The following C12orf43 variants were observed in gnomAD, a reference collection of about 807,000 sequenced individuals.
C12orf43 encodes protein CUSTOS.
A neutral mutation model predicts 20.6 loss-of-function variants in C12orf43; 15 were observed. The observed-to-expected ratio is 0.73, with a 90% CI of 0.49 to 1.12. The LOEUF is 1.12. Ranked by LOEUF, C12orf43 falls within the 50% of genes most tolerant of loss-of-function variation. The probability of loss-of-function intolerance (pLI) is 0.00; values close to 1 mark genes in which losing one functional copy is unlikely to be tolerated. For synonymous variants in C12orf43, 144 were observed against 130.8 expected (o/e 1.10, Z -0.69); for missense variants, 334 against 344.4 (o/e 0.97, Z 0.24).
At position 121,005,937 on chromosome 12, in the gene C12orf43, C is replaced by A. The variant is rs1877977362; in HGVS notation, c.361+384G>T. ...CTCTAAAAAAAAATACAAAAATTAG[C>A]CAGGTGTGGTGGTGCACGCCTGTAG... is the stretch of plus-strand genomic sequence containing the variant. On this transcript the variant is annotated intron_variant, in intron 4 of 5. Transcript: ENST00000288757. This position sits in a 1 kb window ranked among gnomAD's most constrained non-coding sequence, Gnocchi z 5.6. The A allele has an allele frequency of 5.9e-6, 1 of 168,280 alleles. No homozygotes were observed. Among genetic ancestry groups the A allele is most frequent in the Non-Finnish European group, 1.3e-5 (1 of 78,846 alleles). The allele number at this position is 168,280 out of a possible 1,614,324, so 10.4% of individuals were successfully genotyped here.
At position 121,002,523 on chromosome 12, in the gene C12orf43, G is replaced by GCTTGCTTGCTGATTTGA. The variant is rs1234137690; in HGVS notation, c.*1629_*1630insTCAAATCAGCAAGCAAG. ...GAAATGCGGTGGAAACTTCTTGCTT[G>GCTTGCTTGCTGATTTGA]TCCACAAATCATTCAGATGGGGTTT... On this transcript the variant is annotated 3_prime_UTR_variant, in exon 6 of 6. Coordinates refer to ENST00000288757, the MANE Select transcript of C12orf43 (RefSeq NM_022895.3). 1 of 503,618 alleles carries GCTTGCTTGCTGATTTGA rather than the reference G, an allele frequency of 2.0e-6. No individual in the cohort carries two copies. The highest frequency in any genetic ancestry group is 4.5e-5 in the East Asian group (1 of 22,280). The allele number at this position is 503,618 out of a possible 1,614,324, so 31.2% of individuals were successfully genotyped here. A position where few individuals can be genotyped will look rare whatever the true frequency, so the allele number is the denominator to read the frequency against.
Position 121,000,864 on chromosome 12 carries a change from A to C in C12orf43, c.*3289T>G. On this transcript the variant is annotated 3_prime_UTR_variant, in exon 6 of 6. Coordinates refer to ENST00000288757, the MANE Select transcript of C12orf43 (RefSeq NM_022895.3). Reference sequence around the variant, plus strand: ...GTTCACACTAAGATGTACTCAGGCCACTCCATGGGCGGCCGTGGACCCTGG... The same window carrying C: ...GTTCACACTAAGATGTACTCAGGCCCCTCCATGGGCGGCCGTGGACCCTGG... 1.5e-6 allele frequency: 1 copy of C among 659,214 alleles called. No individual in the cohort carries two copies. Among genetic ancestry groups the C allele is most frequent in the Non-Finnish European group, 2.7e-6 (1 of 373,730 alleles). The allele number at this position is 659,214 out of a possible 1,614,324, so 40.8% of individuals were successfully genotyped here.
intron 3 of C12orf43, 94 bp downstream of exon 3, chr12:121,010,734 G>A (rs1000918249): frequency 2.9e-5 from 27 of 941,252 alleles, no homozygotes; most frequent in Admixed American, 5.8e-5. Context: ...GCCTGCCACC[G>A]TGCCAGCCTG....
Position 121,005,550 on chromosome 12 carries a change from T to C in C12orf43, c.362-457A>G, listed in dbSNP as rs989188912. ...GCAGCCACATCAGCTCAGCAAGCCC[T>C]CAGAGGCTTCTGGAAGTCAGCACTT... On this transcript the variant is annotated intron_variant, in intron 4 of 5. Transcript: ENST00000288757. The surrounding 1 kb of genome is among the most constrained non-coding windows in gnomAD (Gnocchi z 5.6). Among the ~76,000 whole-genome samples, 1 of 152,226 alleles carries C rather than the reference T, an allele frequency of 6.6e-6. No homozygotes were observed. Among genetic ancestry groups the C allele is most frequent in the Non-Finnish European group, 1.5e-5 (1 of 68,030 alleles).
At position 121,009,338 on chromosome 12, in the gene C12orf43, C is replaced by T. The variant is rs536720974; in HGVS notation, c.287+1490G>A. ...AGCGTGGTGGGTGCGCACCTGTAAC[C>T]CCAGCTACTCAGGAGGCTGAGGCAT... is the stretch of plus-strand genomic sequence containing the variant. On this transcript the variant is annotated intron_variant, in intron 3 of 5. Transcript: ENST00000288757. Among the ~76,000 whole-genome samples, 37 of 152,170 alleles carry T rather than the reference C, an allele frequency of 2.4e-4. No homozygotes were observed. In the South Asian group the frequency reaches 7.7e-3, roughly 32 times the overall value.
rs1251243051 is a variant in C12orf43 at position 121,001,223 on chromosome 12, G to A, written c.*2930C>T. 1 of 1,612,266 alleles carries A rather than the reference G, an allele frequency of 6.2e-7. No individual in the cohort carries two copies. The highest frequency in any genetic ancestry group is 8.5e-7 in the Non-Finnish European group (1 of 1,179,444). On this transcript the variant is annotated 3_prime_UTR_variant, in exon 6 of 6. Coordinates refer to ENST00000288757, the MANE Select transcript of C12orf43 (RefSeq NM_022895.3). ...GCACCTGGGCCCTGGGGCCTGTACT[G>A]CCTGCTTGGGGGGTGATGAGGGCAG...
intron 1 of C12orf43, chr12:121,012,745 G>A: frequency 3.5e-6 from 1 of 284,998 alleles, no homozygotes; most frequent in Non-Finnish European, 6.8e-6. Context: ...CCAGCTACTT[G>A]AGAAGCTGAG....
intron 1 of C12orf43, 119 bp downstream of exon 1, chr12:121,016,211 G>T: frequency 6.8e-7 from 1 of 1,467,838 alleles, no homozygotes; most frequent in Non-Finnish European, 9.4e-7. Context: ...CCCAGTCCCT[G>T]GAGGTCTCTC....
Position 121,002,445 on chromosome 12 carries a change from G to T in C12orf43, c.*1708C>A. The T allele has an allele frequency of 1.9e-6, 1 of 530,892 alleles. No homozygotes were observed. The highest frequency in any genetic ancestry group is 1.5e-5 in the South Asian group (1 of 65,178). The allele number at this position is 530,892 out of a possible 1,614,324, so 32.9% of individuals were successfully genotyped here. A position where few individuals can be genotyped will look rare whatever the true frequency, so the allele number is the denominator to read the frequency against. ...GGTGACCCGGCACCCCCTGCAGCTT[G>T]TAGCCAGCCGGGGCGAGTGGCACGT... is the stretch of plus-strand genomic sequence containing the variant. On this transcript the variant is annotated 3_prime_UTR_variant, in exon 6 of 6. Coordinates refer to ENST00000288757, the MANE Select transcript of C12orf43 (RefSeq NM_022895.3).
chr12:121,012,849 T>TAAAAAAAAAA (rs10636003), intron 1 of C12orf43, among the ~76,000 whole-genome samples: 9 of 91,990 alleles, frequency 9.8e-5, no homozygotes, highest in East Asian at 2.5e-4. Flanking sequence ...AGACTCCGTC[T>TAAAAAAAAAA]AAAAAAAAAA....
At chr12:121,012,639 T>C in intron 1 of C12orf43, 1 of 546,624 alleles carries the variant, frequency 1.8e-6, no homozygotes, top group Non-Finnish European at 3.4e-6. Context: ...GATCACGAGG[T>C]CAAGAGATCG....
chr12:121,012,557 T>A lies in C12orf43; in HGVS notation c.146-1411A>T, dbSNP rs1299473332. On this transcript the variant is annotated intron_variant, in intron 1 of 5. Coordinates refer to ENST00000288757, the MANE Select transcript of C12orf43 (RefSeq NM_022895.3). Reference sequence around the variant, plus strand: ...GGTGAACTCCAGATAGATGCACTTTTAAGATGGAGTCAAGGCCGGGCGCGG... The same window carrying A: ...GGTGAACTCCAGATAGATGCACTTTAAAGATGGAGTCAAGGCCGGGCGCGG... 3 of 695,180 alleles carry A rather than the reference T, an allele frequency of 4.3e-6. No homozygotes were observed. In the African/African-American group the frequency reaches 5.3e-5, roughly 12 times the overall value. 43.1% of individuals were successfully genotyped at this position (695,180 alleles called of 1,614,324 possible).
In C12orf43 at chr12:121,004,605, G is replaced by A. The variant is rs1302888311; in HGVS notation, c.453-116C>T. ...AGAAGGTGGCCGCAGAGAGAGGCAG[G>A]TAGTGAGTTCAGGCTTGGGAGTGAG... On this transcript the variant is annotated intron_variant, in intron 5 of 5. Coordinates refer to ENST00000288757, the MANE Select transcript of C12orf43 (RefSeq NM_022895.3). The surrounding 1 kb of genome is among the most constrained non-coding windows in gnomAD (Gnocchi z 5.6). The A allele has an allele frequency of 1.8e-6, 2 of 1,130,142 alleles. No individual in the cohort carries two copies. Among genetic ancestry groups the A allele is most frequent in the African/African-American group, 1.6e-5 (1 of 64,318 alleles). The allele number at this position is 1,130,142 out of a possible 1,614,324, so 70.0% of individuals were successfully genotyped here. A position where few individuals can be genotyped will look rare whatever the true frequency, so the allele number is the denominator to read the frequency against.
intron 3 of C12orf43, among the ~76,000 whole-genome samples, chr12:121,007,842 G>A (rs753901020): frequency 2.6e-4 from 40 of 152,254 alleles, no homozygotes; most frequent in African/African-American, 8.4e-4. Flanking sequence ...AAAGCAACCC[G>A]GGGAGAGGGA....
At chr12:121,009,874 C>G (rs1878312387) in intron 3 of C12orf43, among the ~76,000 whole-genome samples, 1 of 152,214 alleles carries the variant, frequency 6.6e-6, no homozygotes, top group Admixed American at 6.5e-5. Flanking sequence ...AAGATAGAGA[C>G]CTGGCACAGT....
At chr12:121,014,118 A>G (rs373599094) in intron 1 of C12orf43, among the ~76,000 whole-genome samples, 2 of 152,082 alleles carry the variant, frequency 1.3e-5, no homozygotes, top group South Asian at 2.1e-4. Context: ...ACCTGAGGTC[A>G]TAAGTTCGAG....
At position 121,004,996 on chromosome 12, in the gene C12orf43, T is replaced by C. The variant is rs899252465; in HGVS notation, c.452+7A>G. 6.6e-6 allele frequency: 10 copies of C among 1,525,266 alleles called. No homozygotes were observed. The highest frequency in any genetic ancestry group is 7.0e-6 in the Non-Finnish European group (8 of 1,137,242). The allele number at this position is 1,525,266 out of a possible 1,614,324, so 94.5% of individuals were successfully genotyped here. On this transcript the variant is annotated splice_region_variant and intron_variant, in intron 5 of 5. Coordinates refer to ENST00000288757, the MANE Select transcript of C12orf43 (RefSeq NM_022895.3). This position sits in a 1 kb window ranked among gnomAD's most constrained non-coding sequence, Gnocchi z 5.6. Reference sequence around the variant, plus strand: ...GAGGGGACGTGAGGAGAGGTGTGAGTTCTCACCTGGAGCTGGAGGGCTGTC... The same window carrying C: ...GAGGGGACGTGAGGAGAGGTGTGAGCTCTCACCTGGAGCTGGAGGGCTGTC...
rs1301331120 is a variant in C12orf43, at chr12:121,001,363, G to A, written c.*2790C>T. 30 of 820,372 alleles carry A rather than the reference G, an allele frequency of 3.7e-5. 1 individual carries two copies. The highest frequency in any genetic ancestry group is 2.4e-4 in the East Asian group (9 of 37,184). 50.8% of individuals were successfully genotyped at this position (820,372 alleles called of 1,614,324 possible). ...CATCAGAAAGGGAGGGCTCTGAGGC[G>A]CCCCAACCCGTGGAGGCTGCTCGGG... On this transcript the variant is annotated 3_prime_UTR_variant, in exon 6 of 6. Transcript: ENST00000288757.
Position 121,002,295 on chromosome 12 carries a change from A to G in C12orf43, c.*1858T>C, listed in dbSNP as rs1223284405. ...CCCTGAGGAGTCTGAGGTCCTGAGC[A>G]CTGCCAGGAGGGACAAAGGAGCCTG... On this transcript the variant is annotated 3_prime_UTR_variant, in exon 6 of 6. Coordinates refer to ENST00000288757, the MANE Select transcript of C12orf43 (RefSeq NM_022895.3). 2 of 443,306 alleles carry G rather than the reference A, an allele frequency of 4.5e-6. No individual in the cohort carries two copies. The highest frequency in any genetic ancestry group is 3.9e-5 in the African/African-American group (2 of 50,644). The allele number at this position is 443,306 out of a possible 1,614,324, so 27.5% of individuals were successfully genotyped here. A position where few individuals can be genotyped will look rare whatever the true frequency, so the allele number is the denominator to read the frequency against.
Sources: allele counts gnomAD v4.1 joint callset (sites outside exome capture counted in the v4.1 genomes callset), GRCh38; gene constraint gnomAD v4.1.1; non-coding constraint Gnocchi (gnomAD v3.1); transcripts MANE v1.5; gene names NCBI Gene and HGNC (gene_info 2026-07-23, HGNC 2026-07-21).